Variants in COL4A1 observed in about 807,000 individuals in gnomAD.
COL4A1 encodes collagen type IV alpha 1 chain.
A neutral mutation model predicts 216.6 loss-of-function variants in COL4A1; 40 were observed. The ratio of observed to expected loss-of-function variants is 0.18; its 90% confidence interval spans 0.14 to 0.24. COL4A1 has a LOEUF of 0.24. Among genes scored for constraint, COL4A1 ranks in the 10% least tolerant of loss-of-function variants. The pLI is 1.00. For missense variants in COL4A1, 1,628 were observed against 2,196.8 expected (o/e 0.74, Z 5.18); for synonymous variants, 839 against 810.7 (o/e 1.03, Z -0.59).
intron 1 of COL4A1, among the ~76,000 whole-genome samples, chr13:110,277,289 A>G (rs1484306361): frequency 6.6e-6 from 1 of 152,242 alleles, no homozygotes. Context: ...GAAATATCAC[A>G]TGGCAAACAT....
chr13:110,151,365 G>C (rs1160499804), intron 51 of COL4A1, among the ~76,000 whole-genome samples: 1 of 151,882 alleles, frequency 6.6e-6, no homozygotes. Context: ...CAAGGGCTGA[G>C]GCATGAACAA....
chr13:110,230,286 A>ATATGTTATGTGTGTGGTGCGTGTG (rs1880970824), intron 2 of COL4A1, among the ~76,000 whole-genome samples: 2 of 151,596 alleles, frequency 1.3e-5, no homozygotes, highest in African/African-American at 2.4e-5. Context: ...TGGTGCGTGT[A>ATATGTTATGTGTGTGGTGCGTGTG]TATGTATGTG....
intron 22 of COL4A1, 32 bp downstream of exon 22, chr13:110,194,991 A>G: frequency 6.3e-7 from 1 of 1,586,336 alleles, no homozygotes; most frequent in South Asian, 1.1e-5. Context: ...CAAAGACACA[A>G]CCACCATTTT....
chr13:110,239,333 T>C (rs1211468877), intron 2 of COL4A1, among the ~76,000 whole-genome samples: 1 of 152,236 alleles, frequency 6.6e-6, no homozygotes, highest in Non-Finnish European at 1.5e-5. Flanking sequence ...TTCCAGTTTC[T>C]GTTGAGGATA....
At chr13:110,203,846 T>A (rs1879362190) in intron 17 of COL4A1, among the ~76,000 whole-genome samples, 1 of 146,382 alleles carries the variant, frequency 6.8e-6, no homozygotes, top group South Asian at 2.1e-4. Context: ...AGTTGGGGGC[T>A]AATTATTCTC....
At chr13:110,159,179 G>A (rs1245824400) in intron 49 of COL4A1, among the ~76,000 whole-genome samples, 1 of 152,204 alleles carries the variant, frequency 6.6e-6, no homozygotes, top group Non-Finnish European at 1.5e-5. Context: ...TCAGATATTA[G>A]TGCGGATAAA....
At chr13:110,252,638 ACT>A (rs1491344976) in intron 1 of COL4A1, among the ~76,000 whole-genome samples, 106 of 5,840 alleles carry the variant, frequency 0.018, 51 homozygotes, top group East Asian at 0.12. Context: ...TATTATATAT[ACT>A]TATATACAAA....
Position 110,150,031 on chromosome 13 carries a change from G to A in COL4A1, c.*332C>T, listed in dbSNP as rs998364027. On this transcript the variant is annotated 3_prime_UTR_variant, in exon 52 of 52. Coordinates refer to ENST00000375820, the MANE Select transcript of COL4A1 (RefSeq NM_001845.6). ...AGAATGAAAATGGGCAAACAGTATG[G>A]AAGGCACCCACACCTCCTAGCACCC... 9.8e-5 allele frequency: 38 copies of A among 388,852 alleles called. No homozygotes were observed. Among genetic ancestry groups the A allele is most frequent in the African/African-American group, 7.9e-4 (38 of 48,376 alleles). The allele number at this position is 388,852 out of a possible 1,614,324, so 24.1% of individuals were successfully genotyped here.
chr13:110,293,253 G>A (rs1431593446), intron 1 of COL4A1, among the ~76,000 whole-genome samples: 1 of 152,166 alleles, frequency 6.6e-6, no homozygotes, highest in African/African-American at 2.4e-5. Flanking sequence ...AAGTGTTTCT[G>A]GACGTCTGCA....
chr13:110,273,642 G>T (rs1292527979), intron 1 of COL4A1, among the ~76,000 whole-genome samples: 2 of 152,174 alleles, frequency 1.3e-5, no homozygotes, highest in East Asian at 3.8e-4. Context: ...TAAACACCTA[G>T]AATTTTTCTT....
chr13:110,287,333 G>C (rs1040169126), intron 1 of COL4A1, among the ~76,000 whole-genome samples: 10 of 152,222 alleles, frequency 6.6e-5, no homozygotes, highest in African/African-American at 2.2e-4. Flanking sequence ...CAGCCACTCA[G>C]ATATCTAGTC....
chr13:110,264,917 C>T (rs1436248736), intron 1 of COL4A1, among the ~76,000 whole-genome samples: 1 of 152,220 alleles, frequency 6.6e-6, no homozygotes, highest in Admixed American at 6.5e-5. Context: ...CTGGGACATG[C>T]TTTTTACACT....
At chr13:110,286,819 C>T (rs929525135) in intron 1 of COL4A1, among the ~76,000 whole-genome samples, 3 of 152,334 alleles carry the variant, frequency 2.0e-5, no homozygotes, top group Admixed American at 6.5e-5. Flanking sequence ...CAAGTCCACA[C>T]GATAAACAGT....
intron 37 of COL4A1, 143 bp downstream of exon 37, chr13:110,175,075 A>G: frequency 9.8e-7 from 1 of 1,016,870 alleles, no homozygotes; most frequent in Non-Finnish European, 1.5e-6. Context: ...TACAAGGGGA[A>G]GGAGAGGCGA....
chr13:110,153,117 T>C (rs2138418347), intron 50 of COL4A1, among the ~76,000 whole-genome samples: 1 of 152,320 alleles, frequency 6.6e-6, no homozygotes, highest in East Asian at 1.9e-4. Flanking sequence ...ACATACAAAC[T>C]TGACTAAGAC....
intron 1 of COL4A1, among the ~76,000 whole-genome samples, chr13:110,258,691 A>G (rs1882683970): frequency 6.6e-6 from 1 of 152,234 alleles, no homozygotes; most frequent in Admixed American, 6.5e-5. Flanking sequence ...TAAATAAGGT[A>G]ATAAACAATG....
In COL4A1 at chr13:110,211,795, A is replaced by C; in HGVS notation, c.441+74T>G. On this transcript the variant is annotated intron_variant, in intron 7 of 51. Coordinates refer to ENST00000375820, the MANE Select transcript of COL4A1 (RefSeq NM_001845.6). The surrounding 1 kb of genome is among the most constrained non-coding windows in gnomAD (Gnocchi z 4.3). Reference sequence around the variant, plus strand: ...TTAAAACATAAGCAAAGAAAGAAAGAAAAGGAAATGGAATGAAAAGAGAGA... The same window carrying C: ...TTAAAACATAAGCAAAGAAAGAAAGCAAAGGAAATGGAATGAAAAGAGAGA... 6.5e-7 allele frequency: 1 copy of C among 1,544,520 alleles called. No individual in the cohort carries two copies. Among genetic ancestry groups the C allele is most frequent in the Non-Finnish European group, 8.9e-7 (1 of 1,123,288 alleles).
At chr13:110,305,618 G>T (rs1264373938) in intron 1 of COL4A1, among the ~76,000 whole-genome samples, 7 of 152,198 alleles carry the variant, frequency 4.6e-5, no homozygotes, top group Non-Finnish European at 8.8e-5. Context: ...AAAGTATTTT[G>T]TCATCATTAC....
At chr13:110,205,641 T>A in intron 15 of COL4A1, 103 bp from the exon 16 acceptor site, 3 of 1,238,914 alleles carry the variant, frequency 2.4e-6, no homozygotes, top group Non-Finnish European at 2.4e-6. Flanking sequence ...GGTGGGTGGA[T>A]CACCTGAGGT....
Sources: gnomAD v4.1 joint callset for allele counts (sites outside exome capture counted in the v4.1 genomes callset) on GRCh38, gnomAD v4.1.1 for gene constraint, Gnocchi (gnomAD v3.1) non-coding constraint, MANE v1.5 for transcripts, NCBI Gene and HGNC (gene_info 2026-07-23, HGNC 2026-07-21) for gene names.